The following SLC2A12 variants were observed in gnomAD, a reference collection of about 807,000 sequenced individuals.
SLC2A12 encodes the protein solute carrier family 2 member 12.
Under a neutral mutation model 41.8 loss-of-function variants are expected in SLC2A12, and 23 were observed. The observed-to-expected ratio is 0.55, with a 90% CI of 0.40 to 0.78. The LOEUF is 0.78. Ranked by LOEUF, SLC2A12 falls within the 30% of genes least tolerant of loss-of-function variation. The pLI, the probability that SLC2A12 is intolerant of heterozygous loss-of-function variation, is 0.00. For missense variants in SLC2A12, 654 were observed against 745.6 expected (o/e 0.88, Z 1.43); for synonymous variants, 295 against 285.9 (o/e 1.03, Z -0.32).
chr6:134,014,298 C>G (rs1776926942), intron 2 of SLC2A12, among the ~76,000 whole-genome samples: 1 of 152,184 alleles, frequency 6.6e-6, no homozygotes, highest in Non-Finnish European at 1.5e-5. Context: ...CTCAGCTTCA[C>G]TTGCTCACCC....
At chr6:134,013,825 C>A (rs1234142827) in intron 2 of SLC2A12, among the ~76,000 whole-genome samples, 6 of 152,092 alleles carry the variant, frequency 3.9e-5, no homozygotes, top group Non-Finnish European at 8.8e-5. Context: ...ACAGCTACAC[C>A]AATATTTCCA....
At chr6:134,001,480 A>G (rs372712552) in intron 4 of SLC2A12, among the ~76,000 whole-genome samples, 6 of 152,340 alleles carry the variant, frequency 3.9e-5, no homozygotes, top group African/African-American at 1.4e-4. Flanking sequence ...AGTAAAAATT[A>G]TTACATTACA....
rs1414401529 is a variant in SLC2A12 at position 133,988,286 on chromosome 6, G to A, written c.*2869C>T. 1 of 152,180 alleles carries A rather than the reference G, an allele frequency of 6.6e-6. No homozygotes were observed. Among genetic ancestry groups the A allele is most frequent in the Non-Finnish European group, 1.5e-5 (1 of 68,028 alleles). 9.4% of individuals were successfully genotyped at this position (152,180 alleles called of 1,614,324 possible). ...TGAAACAGTGTCTCTGGCTCACCCA[G>A]GAGCCCTGATGTGGTAATACAGGAT... On this transcript the variant is annotated 3_prime_UTR_variant, in exon 5 of 5. Transcript: ENST00000275230.
intron 2 of SLC2A12, among the ~76,000 whole-genome samples, chr6:134,017,723 G>A (rs1317057885): frequency 1.3e-5 from 2 of 151,984 alleles, no homozygotes; most frequent in Admixed American, 6.5e-5. Flanking sequence ...GCGTGGTGGC[G>A]GGCGCCTGTA....
At chr6:134,005,059 A>T (rs973826165) in intron 3 of SLC2A12, among the ~76,000 whole-genome samples, 4 of 152,188 alleles carry the variant, frequency 2.6e-5, no homozygotes, top group African/African-American at 9.7e-5. Flanking sequence ...CATTCTTTGT[A>T]ATCCCCAAAG....
Position 133,991,234 on chromosome 6 carries a change from C to A in SLC2A12, c.1775G>T (p.Arg592Ile), listed in dbSNP as rs761706552. ...EELVPKQPQKRKPQEQLLECN... is the reference protein window; with the variant it reads ...EELVPKQPQKIKPQEQLLECN... ...CTCCAAGAGCTGCTCCTGGGGTTTT[C>A]TTTTTTGAGGCTGTTTTGGCACTAA... The change falls in exon 5 of 5, where the codon AGA (arginine) becomes ATA (isoleucine). Residue 592 changes from arginine to isoleucine, a missense_variant. Around this residue, in one of 3 missense-constraint regions of SLC2A12, gnomAD observed 134 missense variants for 180.5 expected, o/e 0.74. Coordinates refer to ENST00000275230, the MANE Select transcript of SLC2A12 (RefSeq NM_145176.3). 6.2e-7 allele frequency: 1 copy of A among 1,614,014 alleles called. No individual in the cohort carries two copies. The highest frequency in any genetic ancestry group is 8.5e-7 in the Non-Finnish European group (1 of 1,180,000).
At chr6:133,996,727 A>T (rs569441210) in intron 4 of SLC2A12, among the ~76,000 whole-genome samples, 33 of 152,138 alleles carry the variant, frequency 2.2e-4, no homozygotes, top group Non-Finnish European at 4.1e-4. Flanking sequence ...GTCCTTCCTC[A>T]TTCTTCAAGT....
rs200249148 is a variant in SLC2A12, at chr6:133,987,648, G to GTGTGTATATATATATATATATA, written c.*3506_*3507insTATATATATATATATATACACA. 1.2e-4 allele frequency: 11 copies of GTGTGTATATATATATATATATA among 88,312 alleles called. No homozygotes were observed. The highest frequency in any genetic ancestry group is 4.0e-4 in the African/African-American group (11 of 27,494). The allele number at this position is 88,312 out of a possible 1,614,324, so 5.5% of individuals were successfully genotyped here. A position where few individuals can be genotyped will look rare whatever the true frequency, so the allele number is the denominator to read the frequency against. On this transcript the variant is annotated 3_prime_UTR_variant, in exon 5 of 5. Coordinates refer to ENST00000275230, the MANE Select transcript of SLC2A12 (RefSeq NM_145176.3). The stretch of plus-strand genomic sequence containing the variant: ...TTTGTGTGTGTGTGTGTGTGTGTGT[G>GTGTGTATATATATATATATATA]TATATATATATATATATATGCACCA...
chr6:134,046,009 T>C (rs1379127989), intron 1 of SLC2A12, among the ~76,000 whole-genome samples: 1 of 152,200 alleles, frequency 6.6e-6, no homozygotes, highest in African/African-American at 2.4e-5. Flanking sequence ...CCAATATAAA[T>C]AAAACATTTC....
chr6:134,051,283 G>T (rs1478639382), intron 1 of SLC2A12, among the ~76,000 whole-genome samples: 4 of 152,014 alleles, frequency 2.6e-5, no homozygotes, highest in Non-Finnish European at 5.9e-5. Flanking sequence ...GAAGATGGAG[G>T]GCTTCTCCAC....
chr6:134,044,258 T>C (rs1041114629), intron 1 of SLC2A12, among the ~76,000 whole-genome samples: 8 of 152,176 alleles, frequency 5.3e-5, no homozygotes, highest in African/African-American at 9.7e-5. Context: ...TCTCCACTAA[T>C]TGGCAGTAAG....
chr6:134,011,669 C>T (rs1307715434), intron 2 of SLC2A12, among the ~76,000 whole-genome samples: 2 of 152,068 alleles, frequency 1.3e-5, no homozygotes, highest in African/African-American at 4.8e-5. Flanking sequence ...GAGATCGAGG[C>T]TGCAGTGAGC....
intron 2 of SLC2A12, among the ~76,000 whole-genome samples, chr6:134,008,484 A>T (rs1776841301): frequency 6.6e-6 from 1 of 152,168 alleles, no homozygotes; most frequent in South Asian, 2.1e-4. Flanking sequence ...AGGAAACCGC[A>T]TGTCTGCCAC....
intron 1 of SLC2A12, among the ~76,000 whole-genome samples, chr6:134,030,714 A>G (rs1777192802): frequency 6.6e-6 from 1 of 152,232 alleles, no homozygotes; most frequent in South Asian, 2.1e-4. Flanking sequence ...TGGCCAACAT[A>G]TAACATGTGG....
intron 3 of SLC2A12, among the ~76,000 whole-genome samples, chr6:134,006,492 A>G (rs1776818199): frequency 6.6e-6 from 1 of 152,156 alleles, no homozygotes; most frequent in Non-Finnish European, 1.5e-5. Flanking sequence ...CTATGGGATG[A>G]TTATATTTTT....
At chr6:134,030,746 G>A (rs1185488313) in intron 1 of SLC2A12, among the ~76,000 whole-genome samples, 6 of 152,294 alleles carry the variant, frequency 3.9e-5, no homozygotes, top group Admixed American at 2.6e-4. Context: ...AGCCTGGAGC[G>A]GTAGGACGGA....
chr6:134,014,999 A>C lies in SLC2A12; in HGVS notation c.1445-8065T>G, dbSNP rs73774194. Among the ~76,000 whole-genome samples, 259 of 152,372 alleles carry C rather than the reference A, an allele frequency of 1.7e-3. 2 individuals are homozygous for C. Among genetic ancestry groups the C allele is most frequent in the African/African-American group, 5.8e-3 (243 of 41,582 alleles). The stretch of plus-strand genomic sequence containing the variant: ...AAGTTTTTCCTGGTTGTTTGGATGC[A>C]AAGTTAATACAGAACCACATGAATG... On this transcript the variant is annotated intron_variant, in intron 2 of 4. Coordinates refer to ENST00000275230, the MANE Select transcript of SLC2A12 (RefSeq NM_145176.3).
intron 4 of SLC2A12, 148 bp downstream of exon 4, chr6:134,001,849 A>C: frequency 1.3e-6 from 1 of 743,702 alleles, no homozygotes; most frequent in Non-Finnish European, 1.9e-6. Context: ...GGAAATTGGA[A>C]TTATGCACTG....
At chr6:134,002,387 G>A (rs1232324229) in intron 3 of SLC2A12, among the ~76,000 whole-genome samples, 1 of 151,804 alleles carries the variant, frequency 6.6e-6, no homozygotes. Flanking sequence ...TCTTCTTGGT[G>A]GGCATGTCTT....
Sources: gnomAD v4.1 joint callset for allele counts (sites outside exome capture counted in the v4.1 genomes callset) on GRCh38, gnomAD v4.1.1 for gene constraint, gnomAD v4.1.1 regional missense constraint, MANE v1.5 for transcripts, NCBI Gene and HGNC (gene_info 2026-07-23, HGNC 2026-07-21) for gene names.